Variants in PROS1 observed in about 807,000 individuals in gnomAD.
PROS1 encodes vitamin K-dependent protein S.
A neutral mutation model predicts 75.9 loss-of-function variants in PROS1; 29 were observed. The ratio of observed to expected loss-of-function variants is 0.38; its 90% confidence interval spans 0.28 to 0.52. The LOEUF (loss-of-function observed/expected upper bound fraction) is 0.52, where lower values mean the gene tolerates loss of function less well. Ranked by LOEUF, PROS1 falls within the 20% of genes least tolerant of loss-of-function variation. The probability of loss-of-function intolerance (pLI) is 0.83; values close to 1 mark genes in which losing one functional copy is unlikely to be tolerated. For missense variants in PROS1, 680 were observed against 810.3 expected (o/e 0.84, Z 1.95); for synonymous variants, 245 against 280.6 (o/e 0.87, Z 1.27).
chr3:93,906,002 C>T lies in PROS1; in HGVS notation c.469+19G>A, dbSNP rs367971012. ...AGACCAATCCTGATGAGCTGGGGGG[C>T]GGGGGTTATTATACGTACCAAATTC... On this transcript the variant is annotated intron_variant, in intron 5 of 14. Transcript: ENST00000394236. 70 of 1,613,586 alleles carry T rather than the reference C, an allele frequency of 4.3e-5. 1 individual carries two copies. In the Admixed American group the frequency reaches 5.2e-4, roughly 12 times the overall value.
intron 3 of PROS1, among the ~76,000 whole-genome samples, chr3:93,911,870 G>T (rs1005884792): frequency 1.3e-5 from 2 of 152,096 alleles, no homozygotes; most frequent in Admixed American, 6.6e-5. Flanking sequence ...GGTGTGGGTG[G>T]GGGATTTATT....
chr3:93,875,699 T>G (rs549768044), intron 14 of PROS1, among the ~76,000 whole-genome samples: 4 of 151,966 alleles, frequency 2.6e-5, no homozygotes, highest in Non-Finnish European at 5.9e-5. Context: ...CTGTCTGTCT[T>G]TCTATAGCTT....
At chr3:93,917,615 G>A (rs532615336) in intron 3 of PROS1, among the ~76,000 whole-genome samples, 1 of 152,324 alleles carries the variant, frequency 6.6e-6, no homozygotes, top group African/African-American at 2.4e-5. Context: ...AGGTGTGGAG[G>A]GAAAGGCGCG....
At chr3:93,908,362 A>G (rs1432009311) in intron 4 of PROS1, among the ~76,000 whole-genome samples, 1 of 152,202 alleles carries the variant, frequency 6.6e-6, no homozygotes, top group Non-Finnish European at 1.5e-5. Context: ...GATAGCTTCT[A>G]TGCAACAGTG....
chr3:93,964,045 C>A (rs1709748272), intron 1 of PROS1, among the ~76,000 whole-genome samples: 1 of 152,178 alleles, frequency 6.6e-6, no homozygotes, highest in African/African-American at 2.4e-5. Flanking sequence ...ATTTCTTATG[C>A]TTGTCTTACT....
At chr3:93,960,957 G>GT (rs1182032238) in intron 1 of PROS1, among the ~76,000 whole-genome samples, 3 of 150,750 alleles carry the variant, frequency 2.0e-5, no homozygotes, top group Non-Finnish European at 4.4e-5. Context: ...AACAAAGGCG[G>GT]TTTTTTAAAT....
chr3:93,921,398 A>C (rs1247359228), intron 3 of PROS1, among the ~76,000 whole-genome samples: 1 of 152,218 alleles, frequency 6.6e-6, no homozygotes, highest in Non-Finnish European at 1.5e-5. Flanking sequence ...TCAAGATTAC[A>C]TAAGCCTCTT....
At chr3:93,921,068 G>A (rs1433039897) in intron 3 of PROS1, among the ~76,000 whole-genome samples, 2 of 152,076 alleles carry the variant, frequency 1.3e-5, no homozygotes, top group Non-Finnish European at 2.9e-5. Context: ...TATACTTTTA[G>A]TGGTGGGGTC....
At chr3:93,950,824 T>G (rs910937111) in intron 1 of PROS1, among the ~76,000 whole-genome samples, 1 of 152,156 alleles carries the variant, frequency 6.6e-6, no homozygotes, top group Admixed American at 6.5e-5. Flanking sequence ...AGAATAAAGC[T>G]GGATGGACAA....
At position 93,905,774 on chromosome 3, in the gene PROS1, C is replaced by G. The variant is rs752877040; in HGVS notation, c.601+10G>C. The G allele has an allele frequency of 1.6e-5, 25 of 1,610,258 alleles. No homozygotes were observed. Among genetic ancestry groups the G allele is most frequent in the Non-Finnish European group, 2.0e-5 (24 of 1,176,714 alleles). On this transcript the variant is annotated intron_variant, in intron 6 of 14. Transcript: ENST00000394236. ...GTAAATGTGTTTTAATTCTACCATCCTGCTCTTACCTTTACAATCTTTCTT... is the reference window on the plus strand; with the variant it reads ...GTAAATGTGTTTTAATTCTACCATCGTGCTCTTACCTTTACAATCTTTCTT...
intron 1 of PROS1, among the ~76,000 whole-genome samples, chr3:93,951,260 C>A (rs183718355): frequency 1.1e-4 from 16 of 152,200 alleles, no homozygotes; most frequent in African/African-American, 3.9e-4. Flanking sequence ...GAAAGACACT[C>A]CTCGAGAAGA....
intron 1 of PROS1, among the ~76,000 whole-genome samples, chr3:93,939,627 T>G (rs1709249765): frequency 6.6e-6 from 1 of 152,152 alleles, no homozygotes; most frequent in Non-Finnish European, 1.5e-5. Flanking sequence ...AAAGGCATAG[T>G]CAAGGTTAAT....
intron 9 of PROS1, among the ~76,000 whole-genome samples, chr3:93,896,316 T>C (rs1708500245): frequency 6.6e-6 from 1 of 152,150 alleles, no homozygotes; most frequent in Non-Finnish European, 1.5e-5. Context: ...ATGCATTTTC[T>C]ACAAAAGGAA....
chr3:93,878,048 T>C (rs974669792), intron 13 of PROS1, among the ~76,000 whole-genome samples: 9 of 152,176 alleles, frequency 5.9e-5, no homozygotes, highest in Admixed American at 5.2e-4. Flanking sequence ...AATAATGTTA[T>C]GAAATATTGC....
rs138874528 is a variant in PROS1, at chr3:93,892,818, T to C, written c.1155+115A>G. ...TTTACAGTATGTAGAATATACCTCA[T>C]ATAGCATCAGATAACTCCAAATCCA... On this transcript the variant is annotated intron_variant, in intron 10 of 14. Coordinates refer to ENST00000394236, the MANE Select transcript of PROS1 (RefSeq NM_000313.4). 6.6e-6 allele frequency: 6 copies of C among 914,846 alleles called. No individual in the cohort carries two copies. The African/African-American group carries it at 8.2e-5, about 13-fold the overall frequency. 56.7% of individuals were successfully genotyped at this position (914,846 alleles called of 1,614,324 possible). A position where few individuals can be genotyped will look rare whatever the true frequency, so the allele number is the denominator to read the frequency against.
At chr3:93,935,955 T>TAA (rs1170480529) in intron 1 of PROS1, among the ~76,000 whole-genome samples, 2 of 123,476 alleles carry the variant, frequency 1.6e-5, no homozygotes, top group Non-Finnish European at 3.5e-5. Flanking sequence ...AAGTCCACAT[T>TAA]AAAAAAAAAA....
intron 4 of PROS1, among the ~76,000 whole-genome samples, chr3:93,906,755 C>T (rs568026104): frequency 6.6e-6 from 1 of 152,356 alleles, no homozygotes; most frequent in South Asian, 2.1e-4. Context: ...CCACCACAGG[C>T]TCAGAAGTGC....
intron 12 of PROS1, among the ~76,000 whole-genome samples, chr3:93,880,785 T>G (rs569076901): frequency 2.6e-4 from 40 of 152,316 alleles, no homozygotes; most frequent in Non-Finnish European, 5.3e-4. Flanking sequence ...CACTTACAAA[T>G]TATCCATGAA....
chr3:93,965,111 G>A lies in PROS1; in HGVS notation c.76+8563C>T, dbSNP rs147321572. Among the ~76,000 whole-genome samples, 1,053 of 152,252 alleles carry A rather than the reference G, an allele frequency of 6.9e-3. 21 individuals are homozygous for A. Among genetic ancestry groups the A allele is most frequent in the African/African-American group, 0.024 (999 of 41,548 alleles). On this transcript the variant is annotated intron_variant, in intron 1 of 14. Coordinates refer to ENST00000394236, the MANE Select transcript of PROS1 (RefSeq NM_000313.4). Reference sequence around the variant, plus strand: ...GAGCACAGCGGGAGGGACAAGGATCGGGATAAAAACCCAGGCATTCGAGCC... The same window carrying A: ...GAGCACAGCGGGAGGGACAAGGATCAGGATAAAAACCCAGGCATTCGAGCC...
Sources: gnomAD v4.1 joint callset for allele counts (sites outside exome capture counted in the v4.1 genomes callset) on GRCh38, gnomAD v4.1.1 for gene constraint, MANE v1.5 for transcripts, NCBI Gene and HGNC (gene_info 2026-07-23, HGNC 2026-07-21) for gene names.